The following CRYBG2 variants were observed in gnomAD, a reference collection of about 807,000 sequenced individuals.
CRYBG2 encodes beta/gamma crystallin domain-containing protein 2.
Under a neutral mutation model 153.4 loss-of-function variants are expected in CRYBG2, and 106 were observed. The ratio of observed to expected loss-of-function variants is 0.69; its 90% confidence interval spans 0.59 to 0.81. The LOEUF is 0.81. Ranked by LOEUF, CRYBG2 falls within the 30% of genes least tolerant of loss-of-function variation. The probability of loss-of-function intolerance (pLI) is 0.00; values close to 1 mark genes in which losing one functional copy is unlikely to be tolerated. For missense variants in CRYBG2, 1,996 were observed against 2,112.0 expected, an observed-to-expected ratio of 0.95 and a Z score of 1.08; for synonymous variants, 851 against 877.8, an observed-to-expected ratio of 0.97 and a Z score of 0.54.
In CRYBG2 at chr1:26,325,452, C is replaced by G. The variant is rs545628615; in HGVS notation, c.4579-1142G>C. Among the ~76,000 whole-genome samples the G allele has an allele frequency of 6.6e-6, 1 of 152,130 alleles. No individual in the cohort carries two copies. Among genetic ancestry groups the G allele is most frequent in the East Asian group, 1.9e-4 (1 of 5,166 alleles). ...GCACACGCCTGTAATCACAGCTACT[C>G]GGGAGGCTGAGGCAGGAGAATCGCT... On this transcript the variant is annotated intron_variant, in intron 17 of 19. Transcript: ENST00000308182. This position sits in a 1 kb window ranked among gnomAD's most constrained non-coding sequence, Gnocchi z 4.1.
In CRYBG2 at chr1:26,324,307, G is replaced by T. The variant is rs752541265; in HGVS notation, c.4582C>A (p.Arg1528=). 1 of 1,603,904 alleles carries T rather than the reference G, an allele frequency of 6.2e-7. No homozygotes were observed. The highest frequency in any genetic ancestry group is 8.5e-7 in the Non-Finnish European group (1 of 1,178,146). Residue 1528 remains arginine, a synonymous_variant, in exon 18 of 20, where the codon CGG becomes AGG. Transcript: ENST00000308182. ...VGSLYPIKQR[R]VYFRLWNAAL... is the part of the protein sequence containing the mutation. ...GCATTCCAGAGGCGGAAATAAACCC[G>T]GCGCTGGTGGCAGAAAGAGGCTGAG...
rs2074198059 is a variant in CRYBG2, at chr1:26,345,278, C to T, written c.1380G>A (p.Gln460=). 6.2e-7 allele frequency: 1 copy of T among 1,613,126 alleles called. No homozygotes were observed. Residue 460 remains glutamine (Q), a synonymous_variant, in exon 2 of 20, where the codon CAG becomes CAA. Transcript: ENST00000308182. ...SENVPVLPFT[Q]REVVKGPGAP... is the part of the protein sequence containing the mutation. ...CACCGGGGCCCTTCACGACCTCCCT[C>T]TGGGTAAAGGGGAGGACAGGGACAT...
Position 26,343,992 on chromosome 1 carries a change from T to C in CRYBG2, c.2666A>G (p.Glu889Gly). Residue 889 changes from glutamate to glycine, a missense_variant, in exon 2 of 20, where the codon GAG (glutamate) becomes GGG (glycine). Physicochemically the swap from Glu to Gly is moderately conservative, Grantham distance 98. Transcript: ENST00000308182. This position sits in a 1 kb window ranked among gnomAD's most constrained non-coding sequence, Gnocchi z 4.1. The part of the protein sequence containing the change: ...HVAGTKGPHS[E>G]LGLELQGGSR... ...GCCTCCCTGCAGTTCCAATCCCAGC[T>C]CTGAGTGGGGGCCCTTGGTTCCTGC... 6.5e-7 allele frequency: 1 copy of C among 1,536,510 alleles called. No individual in the cohort carries two copies. The highest frequency in any genetic ancestry group is 8.7e-7 in the Non-Finnish European group (1 of 1,146,886).
At position 26,337,666 on chromosome 1, in the gene CRYBG2, C is replaced by T. The variant is rs749708589; in HGVS notation, c.3516G>A (p.Val1172=). Residue 1172 remains valine (V), a synonymous_variant, in exon 9 of 20, where the codon GTG becomes GTA. Coordinates refer to ENST00000308182, the MANE Select transcript of CRYBG2 (RefSeq NM_001039775.4). ...GGCCCTGAAAGCCTGGGGCCTCATACACCACAGCCTGGGGGAAAGGGGCTG... is the reference window on the plus strand; with the variant it reads ...GGCCCTGAAAGCCTGGGGCCTCATATACCACAGCCTGGGGGAAAGGGGCTG... ...VEKPGEPRAV[V]YEAPGFQGRS... The T allele has an allele frequency of 1.7e-5, 27 of 1,611,528 alleles. No individual in the cohort carries two copies. The highest frequency in any genetic ancestry group is 2.3e-5 in the Non-Finnish European group (27 of 1,179,868).
At chr1:26,347,210 G>A (rs577115994) in intron 1 of CRYBG2, among the ~76,000 whole-genome samples, 1 of 150,714 alleles carries the variant, frequency 6.6e-6, no homozygotes, top group Non-Finnish European at 1.5e-5. Context: ...TTCTGTTCAA[G>A]CATCAGGGTC....
chr1:26,346,487 G>GA lies in CRYBG2; in HGVS notation c.170dup (p.Ser58GlnfsTer54). 6.2e-7 allele frequency: 1 copy of GA among 1,611,904 alleles called. No homozygotes were observed. Among genetic ancestry groups the GA allele is most frequent in the Non-Finnish European group, 8.5e-7 (1 of 1,179,828 alleles). Reference sequence around the variant, plus strand: ...TGACTTCCACTTCCTCTCGACGGCTGAACTCAAACATCTCCTTCTGCGGGG... The same window carrying GA: ...TGACTTCCACTTCCTCTCGACGGCTGAAACTCAAACATCTCCTTCTGCGGGG... On this transcript the variant is annotated frameshift_variant, in exon 2 of 20. Coordinates refer to ENST00000308182, the MANE Select transcript of CRYBG2 (RefSeq NM_001039775.4). LOFTEE classifies it high-confidence loss of function. This position sits in a 1 kb window ranked among gnomAD's most constrained non-coding sequence, Gnocchi z 4.9.
Position 26,337,623 on chromosome 1 carries a change from G to T in CRYBG2, c.3559C>A (p.Arg1187=), listed in dbSNP as rs143892451. The change falls in exon 9 of 20, where the codon CGA becomes AGA. Residue 1187 remains arginine (R), a synonymous_variant. Coordinates refer to ENST00000308182, the MANE Select transcript of CRYBG2 (RefSeq NM_001039775.4). ...GFQGRSWEVS[R]DIYNLQQPED... ...GGCTGCTGAAGGTTGTAGATGTCTC[G>T]GCTCACTTCCCAGCTGCGGCCCTGA... The T allele has an allele frequency of 4.1e-4, 654 of 1,613,082 alleles. 7 individuals carry two copies. In the Middle Eastern group the frequency reaches 4.1e-3, roughly 10 times the overall value.
At chr1:26,340,360 C>G (rs2074115082) in intron 5 of CRYBG2, among the ~76,000 whole-genome samples, 1 of 152,174 alleles carries the variant, frequency 6.6e-6, no homozygotes, top group Admixed American at 6.6e-5. Context: ...GTTAAGCAAC[C>G]TGCCCAAGGT....
chr1:26,327,385 T>C (rs914868866), intron 17 of CRYBG2, among the ~76,000 whole-genome samples: 2 of 152,050 alleles, frequency 1.3e-5, no homozygotes, highest in African/African-American at 4.8e-5. Context: ...GGAGAATTGC[T>C]TGAACCCAGG....
At chr1:26,347,852 C>T (rs1017198249) in intron 1 of CRYBG2, among the ~76,000 whole-genome samples, 1 of 152,174 alleles carries the variant, frequency 6.6e-6, no homozygotes, top group Non-Finnish European at 1.5e-5. Context: ...TCTCGAACTC[C>T]TGGGCTGAAG....
Position 26,343,810 on chromosome 1 carries a change from G to A in CRYBG2, c.2848C>T (p.Leu950=). 6.9e-7 allele frequency: 1 copy of A among 1,454,368 alleles called. No homozygotes were observed. Among genetic ancestry groups the A allele is most frequent in the Non-Finnish European group, 9.1e-7 (1 of 1,100,590 alleles). The allele number at this position is 1,454,368 out of a possible 1,614,324, so 90.1% of individuals were successfully genotyped here. A position where few individuals can be genotyped will look rare whatever the true frequency, so the allele number is the denominator to read the frequency against. ...GLRKVPGQLP[L]LCSERSSPTE... ...GGGGATGATCTTTCACTGCAAAGCA[G>A]GGGCAACTGTCCTGGCACCTTCCTG... is the stretch of plus-strand genomic sequence containing the variant. Residue 950 remains leucine (L), a synonymous_variant, in exon 2 of 20, where the codon CTG becomes TTG. Coordinates refer to ENST00000308182, the MANE Select transcript of CRYBG2 (RefSeq NM_001039775.4). This position sits in a 1 kb window ranked among gnomAD's most constrained non-coding sequence, Gnocchi z 4.1.
rs779207705 is a variant in CRYBG2, at chr1:26,345,980, T to A, written c.678A>T (p.Pro226=). ...CGGCCTGGCTGCGGCTGGGCGAGCC[T>A]GGTGGGGAGCCCACCACCACTGGCG... The part of the protein sequence containing the change: ...MVPPVVVGSP[P]GSPSRSQAVK... Residue 226 remains proline, a synonymous_variant, in exon 2 of 20, where the codon CCA becomes CCT. Coordinates refer to ENST00000308182, the MANE Select transcript of CRYBG2 (RefSeq NM_001039775.4). 1 of 1,593,614 alleles carries A rather than the reference T, an allele frequency of 6.3e-7. No individual in the cohort carries two copies. Among genetic ancestry groups the A allele is most frequent in the South Asian group, 1.1e-5 (1 of 90,736 alleles).
In CRYBG2 at chr1:26,344,553, G is replaced by C. The variant is rs1203742647; in HGVS notation, c.2105C>G (p.Pro702Arg). 6.5e-7 allele frequency: 1 copy of C among 1,543,170 alleles called. No homozygotes were observed. Among genetic ancestry groups the C allele is most frequent in the East Asian group, 2.4e-5 (1 of 40,926 alleles). The change falls in exon 2 of 20, where the codon CCT becomes CGT. Residue 702 changes from proline to arginine, a missense_variant. Pro to Arg is a moderately radical substitution (Grantham distance 103, BLOSUM62 -2). Transcript: ENST00000308182. Reference protein sequence around the residue: ...SLTQKEVVQDPDALPAPSSSV... With the variant: ...SLTQKEVVQDRDALPAPSSSV... ...GGAAGATGGGGCAGGGAGAGCATCA[G>C]GGTCCTGCACAACCTCTTTCTGGGT...
At chr1:26,340,344 G>A (rs542872161) in intron 5 of CRYBG2, among the ~76,000 whole-genome samples, 30 of 152,306 alleles carry the variant, frequency 2.0e-4, no homozygotes, top group South Asian at 8.3e-4. Context: ...AGTGAGGCAC[G>A]GAGAAGTTAA....
chr1:26,349,043 C>G (rs749208410), intron 1 of CRYBG2, among the ~76,000 whole-genome samples: 8 of 151,854 alleles, frequency 5.3e-5, no homozygotes, highest in Non-Finnish European at 8.8e-5. Context: ...GTGGTGGGCA[C>G]CTGTAATCCC....
At chr1:26,347,453 C>A (rs1483081254) in intron 1 of CRYBG2, among the ~76,000 whole-genome samples, 4 of 151,308 alleles carry the variant, frequency 2.6e-5, no homozygotes, top group African/African-American at 9.7e-5. Context: ...GCCGCCACAC[C>A]CAGCTAGTTT....
Position 26,354,086 on chromosome 1 carries a change from C to T in CRYBG2, c.-106G>A. On this transcript the variant is annotated 5_prime_UTR_variant, in exon 1 of 20. Coordinates refer to ENST00000308182, the MANE Select transcript of CRYBG2 (RefSeq NM_001039775.4). ...CCAGGTGTCCAGCCAGCCTGGAGCT[C>T]CTGCTGCTGGGCCGTGCTCCCCTGA... 2.5e-6 allele frequency: 1 copy of T among 399,656 alleles called. No homozygotes were observed. Among genetic ancestry groups the T allele is most frequent in the Admixed American group, 4.4e-5 (1 of 22,752 alleles). The allele number at this position is 399,656 out of a possible 1,614,324, so 24.8% of individuals were successfully genotyped here. A position where few individuals can be genotyped will look rare whatever the true frequency, so the allele number is the denominator to read the frequency against.
Position 26,343,747 on chromosome 1 carries a change from A to T in CRYBG2, c.2911T>A (p.Trp971Arg), listed in dbSNP as rs1017859395. The change falls in exon 2 of 20, where the codon TGG becomes AGG. Residue 971 changes from tryptophan to arginine, a missense_variant and splice_region_variant. Trp to Arg is a moderately radical substitution (Grantham distance 101). Coordinates refer to ENST00000308182, the MANE Select transcript of CRYBG2 (RefSeq NM_001039775.4). The surrounding 1 kb of genome is among the most constrained non-coding windows in gnomAD (Gnocchi z 4.1). ...TGCCCACCCGAGGCCTCACTTACCC[A>T]CCCCTCCAGGGGCAGGGAACAGGCA... ...KLACSLPLEGWSPALKTQGKL... is the reference protein window; with the variant it reads ...KLACSLPLEGRSPALKTQGKL... 92 of 1,442,466 alleles carry T rather than the reference A, an allele frequency of 6.4e-5. No homozygotes were observed. In the East Asian group the frequency reaches 1.8e-3, roughly 28 times the overall value. The allele number at this position is 1,442,466 out of a possible 1,614,324, so 89.4% of individuals were successfully genotyped here.
chr1:26,339,415 C>T lies in CRYBG2; in HGVS notation c.3219G>A (p.Pro1073=), dbSNP rs146376175. Reference sequence around the variant, plus strand: ...CCTCCTCAGAGAAGAGGCTGATTTCCGGGGTGCTGTAGTCCTGTGGAAGGA... The same window carrying T: ...CCTCCTCAGAGAAGAGGCTGATTTCTGGGGTGCTGTAGTCCTGTGGAAGGA... ...LRRVVWDYST[P]EISLFSEEGL... Residue 1073 remains proline, a synonymous_variant, in exon 6 of 20, where the codon CCG becomes CCA. Coordinates refer to ENST00000308182, the MANE Select transcript of CRYBG2 (RefSeq NM_001039775.4). 192 of 1,614,062 alleles carry T rather than the reference C, an allele frequency of 1.2e-4. No homozygotes were observed. In the African/African-American group the frequency reaches 1.6e-3, roughly 14 times the overall value.
Sources: allele counts gnomAD v4.1 joint callset (sites outside exome capture counted in the v4.1 genomes callset), GRCh38; gene constraint gnomAD v4.1.1; non-coding constraint Gnocchi (gnomAD v3.1); transcripts MANE v1.5; gene names NCBI Gene and HGNC (gene_info 2026-07-23, HGNC 2026-07-21).